UMODL1: variants seen among roughly 807,000 people sequenced by gnomAD.
The protein encoded by UMODL1 is uromodulin-like 1.
A neutral mutation model predicts 136.3 loss-of-function variants in UMODL1; 128 were observed. The ratio of observed to expected loss-of-function variants is 0.94; its 90% CI spans 0.81 to 1.09. The LOEUF (loss-of-function observed/expected upper bound fraction) is 1.09, where lower values mean the gene tolerates loss of function less well. UMODL1 is among the 50% of genes least tolerant of loss of function. The pLI, the probability that UMODL1 is intolerant of heterozygous loss-of-function variation, is 0.00. For synonymous variants in UMODL1, 721 were observed against 720.0 expected (o/e 1.00, Z -0.02); for missense variants, 1,766 against 1,725.6 (o/e 1.02, Z -0.41).
intron 9 of UMODL1, among the ~76,000 whole-genome samples, chr21:42,108,703 C>A (rs1416399441): frequency 5.9e-5 from 9 of 152,216 alleles, no homozygotes; most frequent in Non-Finnish European, 7.3e-5. Flanking sequence ...CTCAGCCACC[C>A]CATGGGAGCT....
chr21:42,079,801 G>A (rs532636988), intron 2 of UMODL1, among the ~76,000 whole-genome samples: 9 of 152,346 alleles, frequency 5.9e-5, no homozygotes, highest in African/African-American at 1.2e-4. Context: ...GATGTGGACC[G>A]GGGCTCTCTG....
intron 1 of UMODL1, among the ~76,000 whole-genome samples, chr21:42,073,783 C>A (rs1262786780): frequency 6.6e-6 from 1 of 151,790 alleles, no homozygotes; most frequent in East Asian, 1.9e-4. Context: ...GTTTTGTGAT[C>A]ATTTCTGCTC....
chr21:42,141,203 C>T (rs551755800), intron 22 of UMODL1, among the ~76,000 whole-genome samples: 5 of 152,368 alleles, frequency 3.3e-5, no homozygotes, highest in African/African-American at 1.2e-4. Context: ...GACTACAGCA[C>T]ACGTTTCCAA....
chr21:42,080,894 G>C lies in UMODL1; in HGVS notation c.320-3190G>C, dbSNP rs1332398564. Reference sequence around the variant, plus strand: ...ACGGCCACATGGCATTACCTCATACGCACATCAGCATTCATTGAGCAAGCT... The same window carrying C: ...ACGGCCACATGGCATTACCTCATACCCACATCAGCATTCATTGAGCAAGCT... On this transcript the variant is annotated intron_variant, in intron 2 of 22. Transcript: ENST00000408910. Among the ~76,000 whole-genome samples the C allele has an allele frequency of 2.0e-5, 3 of 152,198 alleles. No homozygotes were observed. The South Asian group carries it at 6.2e-4, about 32-fold the overall frequency.
At chr21:42,106,777 C>T (rs1295029195) in intron 9 of UMODL1, among the ~76,000 whole-genome samples, 3 of 152,218 alleles carry the variant, frequency 2.0e-5, no homozygotes, top group East Asian at 1.9e-4. Context: ...GGAATCCCAG[C>T]TCTGACACTC....
At chr21:42,071,251 G>A, upstream of UMODL1, 4 of 1,422,868 alleles carry the variant, frequency 2.8e-6, no homozygotes, top group Non-Finnish European at 3.7e-6. Context: ...TATGAGCCCT[G>A]GCGTAGCAGA....
At position 42,099,706 on chromosome 21, in the gene UMODL1, G is replaced by A. The variant is rs2066603647; in HGVS notation, c.1186+526G>A. On this transcript the variant is annotated intron_variant, in intron 7 of 22. Coordinates refer to ENST00000408910, the MANE Select transcript of UMODL1 (RefSeq NM_001004416.3). This position sits in a 1 kb window ranked among gnomAD's most constrained non-coding sequence, Gnocchi z 4.1. ...AAAACGTTTTTTCTTTTTGAGACAGGGTCTCGCTCTGTCACCCAGGCTGGA... is the reference window on the plus strand; with the variant it reads ...AAAACGTTTTTTCTTTTTGAGACAGAGTCTCGCTCTGTCACCCAGGCTGGA... Among the ~76,000 whole-genome samples the A allele has an allele frequency of 6.6e-6, 1 of 152,038 alleles. No individual in the cohort carries two copies. Among genetic ancestry groups the A allele is most frequent in the Admixed American group, 6.5e-5 (1 of 15,268 alleles).
At chr21:42,139,303 A>G (rs892243395) in intron 22 of UMODL1, among the ~76,000 whole-genome samples, 1 of 152,220 alleles carries the variant, frequency 6.6e-6, no homozygotes, top group African/African-American at 2.4e-5. Flanking sequence ...ATCATGGCAG[A>G]AGACCAAGGG....
chr21:42,110,437 C>A (rs1208750705), intron 10 of UMODL1, among the ~76,000 whole-genome samples: 1 of 152,234 alleles, frequency 6.6e-6, no homozygotes, highest in African/African-American at 2.4e-5. Flanking sequence ...TCCTAACATC[C>A]CACACCTTGT....
In UMODL1 at chr21:42,142,856, A is replaced by C. The variant is rs2067301471; in HGVS notation, c.*782A>C. The C allele has an allele frequency of 6.6e-6, 1 of 152,212 alleles. No homozygotes were observed. The highest frequency in any genetic ancestry group is 2.4e-5 in the African/African-American group (1 of 41,440). The allele number at this position is 152,212 out of a possible 1,614,324, so 9.4% of individuals were successfully genotyped here. A position where few individuals can be genotyped will look rare whatever the true frequency, so the allele number is the denominator to read the frequency against. ...ACCAGAGGAGCCGATGAGTTACTTA[A>C]TTGAGGTCACAGAATGAATTAGCAA... On this transcript the variant is annotated 3_prime_UTR_variant, in exon 23 of 23. Transcript: ENST00000408910.
At chr21:42,116,176 A>AAG (rs2066899940) in intron 14 of UMODL1, among the ~76,000 whole-genome samples, 191 bp downstream of exon 14, 1 of 144,040 alleles carries the variant, frequency 6.9e-6, no homozygotes, top group Admixed American at 6.8e-5. Flanking sequence ...CTCCACCAAA[A>AAG]AAAAAAAAAA....
intron 6 of UMODL1, among the ~76,000 whole-genome samples, chr21:42,091,679 A>G (rs2066493932): frequency 6.6e-6 from 1 of 152,246 alleles, no homozygotes. Context: ...AGTGGAGTAG[A>G]AGGTGTTTCC....
intron 6 of UMODL1, among the ~76,000 whole-genome samples, chr21:42,092,393 GT>G (rs33934057): frequency 2.3e-4 from 34 of 147,616 alleles, no homozygotes; most frequent in Non-Finnish European, 3.6e-4. Flanking sequence ...GGGTTTTTTT[GT>G]TTTTTTTTTT....
chr21:42,121,334 C>T (rs937043989), intron 16 of UMODL1, 110 bp downstream of exon 16: 1 of 1,385,380 alleles, frequency 7.2e-7, no homozygotes, highest in Non-Finnish European at 9.8e-7. Context: ...ATTTTTATGT[C>T]CTGGGGAAGT....
At chr21:42,077,162 G>GAT (rs2066304464) in intron 2 of UMODL1, among the ~76,000 whole-genome samples, 1 of 151,726 alleles carries the variant, frequency 6.6e-6, no homozygotes. Context: ...GGGATGTGGG[G>GAT]GTGTGTGGCT....
intron 14 of UMODL1, among the ~76,000 whole-genome samples, chr21:42,117,306 A>G (rs1449927668): frequency 1.3e-5 from 2 of 152,220 alleles, no homozygotes; most frequent in Admixed American, 6.5e-5. Context: ...GCTGGGGCAT[A>G]ACCCATGCAG....
chr21:42,127,049 G>T lies in UMODL1; in HGVS notation c.3337G>T (p.Val1113Phe), dbSNP rs2067065994. The change falls in exon 19 of 23, where the codon GTT (valine) becomes TTT (phenylalanine). Residue 1113 changes from valine to phenylalanine, a missense_variant. Val to Phe is a conservative substitution (Grantham distance 50, BLOSUM62 -1). Transcript: ENST00000408910. The stretch of plus-strand genomic sequence containing the variant: ...GGACCTCCACGGCGCTGGGAATTTT[G>T]TTACCGAAATGCAGTTGTTTATCGG... ...IEDLHGAGNF[V>F]TEMQLFIGDS... 6.2e-7 allele frequency: 1 copy of T among 1,614,040 alleles called. No homozygotes were observed.
intron 2 of UMODL1, among the ~76,000 whole-genome samples, chr21:42,076,684 A>G (rs1207678876): frequency 1.3e-5 from 2 of 152,206 alleles, no homozygotes; most frequent in Non-Finnish European, 2.9e-5. Context: ...TGTGAGAGCC[A>G]GCACTGAACT....
At chr21:42,138,139 T>C (rs2067233538) in intron 22 of UMODL1, among the ~76,000 whole-genome samples, 2 of 152,176 alleles carry the variant, frequency 1.3e-5, no homozygotes, top group African/African-American at 4.8e-5. Flanking sequence ...GGCAAGGTCC[T>C]GAGCCTCTTG....
Sources: gnomAD v4.1 joint callset for allele counts (sites outside exome capture counted in the v4.1 genomes callset) on GRCh38, gnomAD v4.1.1 for gene constraint, Gnocchi (gnomAD v3.1) non-coding constraint, MANE v1.5 for transcripts, NCBI Gene and HGNC (gene_info 2026-07-23, HGNC 2026-07-21) for gene names.